The following PROSER1 variants were observed in gnomAD, a reference collection of about 807,000 sequenced individuals.
The protein encoded by PROSER1 is proline and serine rich 1.
Under a neutral mutation model 71.8 loss-of-function variants are expected in PROSER1, and 36 were observed. The ratio of observed to expected loss-of-function variants is 0.50; its 90% confidence interval spans 0.38 to 0.66. The LOEUF (loss-of-function observed/expected upper bound fraction) is 0.66. Among genes scored for constraint, PROSER1 ranks in the 30% least tolerant of loss-of-function variants. The pLI, the probability that PROSER1 is intolerant of heterozygous loss-of-function variation, is 0.00. For missense variants in PROSER1, 1,107 were observed against 1,135.0 expected (o/e 0.98, Z 0.35); for synonymous variants, 490 against 452.4 (o/e 1.08, Z -1.06).
chr13:39,035,590 C>CT (rs938579872), intron 1 of PROSER1, among the ~76,000 whole-genome samples: 14 of 152,188 alleles, frequency 9.2e-5, no homozygotes, highest in African/African-American at 3.4e-4. Context: ...TCATTCCCTC[C>CT]TTTTTGAATA....
At chr13:39,037,105 C>A in intron 1 of PROSER1, 93 bp downstream of exon 1, 1 of 971,144 alleles carries the variant, frequency 1.0e-6, no homozygotes, top group Admixed American at 1.8e-5. Flanking sequence ...TCCTAGGACC[C>A]TTATTCTGCA....
rs767063337 is a variant in PROSER1, at chr13:39,028,335, C to A, written c.276-15G>T. Reference sequence around the variant, plus strand: ...CAATAATGTTCCTACCAAGAAAACACAATTTAGCTTTTTGTTTAAAAATCT... The same window carrying A: ...CAATAATGTTCCTACCAAGAAAACAAAATTTAGCTTTTTGTTTAAAAATCT... On this transcript the variant is annotated splice_polypyrimidine_tract_variant and intron_variant, in intron 4 of 12. Transcript: ENST00000352251. 2 of 1,483,178 alleles carry A rather than the reference C, an allele frequency of 1.3e-6. No individual in the cohort carries two copies. The highest frequency in any genetic ancestry group is 3.4e-5 in the Admixed American group (2 of 59,016). 91.9% of individuals were successfully genotyped at this position (1,483,178 alleles called of 1,614,324 possible).
chr13:39,013,584 AG>A lies in PROSER1; in HGVS notation c.1667del (p.Pro556LeufsTer6), dbSNP rs1330114478. 2 of 1,614,036 alleles carry A rather than the reference AG, an allele frequency of 1.2e-6. No homozygotes were observed. The highest frequency in any genetic ancestry group is 1.7e-6 in the Non-Finnish European group (2 of 1,180,036). On this transcript the variant is annotated frameshift_variant, in exon 11 of 13. Transcript: ENST00000352251. LOFTEE classifies it high-confidence loss of function. The stretch of plus-strand genomic sequence containing the variant: ...CAGCAGTGGCTAAAGGAGACTGTAC[AG>A]GCAATGTCAGGGGAGTGGAAGTTGA... The part of the protein sequence containing the change: ...ANSTSTPLTL[P>X]VQSPLATAAS...
chr13:39,021,162 C>CT (rs1227056802), intron 9 of PROSER1, among the ~76,000 whole-genome samples: 3 of 152,192 alleles, frequency 2.0e-5, no homozygotes, highest in Non-Finnish European at 4.4e-5. Flanking sequence ...TGCCCTACCT[C>CT]TGACAGGCAC....
At chr13:39,027,454 G>C (rs1003430257) in intron 5 of PROSER1, among the ~76,000 whole-genome samples, 46 of 152,262 alleles carry the variant, frequency 3.0e-4, no homozygotes, top group African/African-American at 1.1e-3. Flanking sequence ...TTTCTGAGAA[G>C]GAAAGTGACA....
Position 39,014,633 on chromosome 13 carries a change from A to G in PROSER1, c.776-157T>C, listed in dbSNP as rs1367557790. ...TGTAATATCTAAATTGCTGGGTTCC[A>G]TTTCTCAGATCTTTACTCTGGAGCC... is the stretch of plus-strand genomic sequence containing the variant. On this transcript the variant is annotated intron_variant, in intron 10 of 12. Coordinates refer to ENST00000352251, the MANE Select transcript of PROSER1 (RefSeq NM_025138.5). Among the ~76,000 whole-genome samples the G allele has an allele frequency of 3.9e-5, 6 of 152,208 alleles. No individual in the cohort carries two copies. In the East Asian group the frequency reaches 7.7e-4, roughly 20 times the overall value.
rs1276049473 is a variant in PROSER1, at chr13:39,023,093, T to A, written c.602A>T (p.Tyr201Phe). The change falls in exon 8 of 13, where the codon TAT becomes TTT. Residue 201 changes from tyrosine to phenylalanine, a missense_variant. Physicochemically the swap from Tyr to Phe is conservative, Grantham distance 22 (BLOSUM62 3). Transcript: ENST00000352251. ...STYNPHKPVPYPIPPCRPHAT... is the reference protein window; with the variant it reads ...STYNPHKPVPFPIPPCRPHAT... ...ATGTGGTCGGCATGGAGGTATCGGA[T>A]AAGGAACAGGTTTATGTGGATTATA... The A allele has an allele frequency of 1.5e-5, 25 of 1,613,202 alleles. No individual in the cohort carries two copies. The highest frequency in any genetic ancestry group is 2.1e-5 in the Non-Finnish European group (25 of 1,179,416).
chr13:39,011,934 G>T, intron 12 of PROSER1, 149 bp downstream of exon 12: 1 of 818,848 alleles, frequency 1.2e-6, no homozygotes, highest in Non-Finnish European at 1.9e-6. Flanking sequence ...CAAATTTGGA[G>T]AGAAGTAATC....
Position 39,027,553 on chromosome 13 carries a change from T to C in PROSER1, c.369+674A>G, listed in dbSNP as rs546859671. On this transcript the variant is annotated intron_variant, in intron 5 of 12. Coordinates refer to ENST00000352251, the MANE Select transcript of PROSER1 (RefSeq NM_025138.5). The stretch of plus-strand genomic sequence containing the variant: ...TAGTCAAGAAAACTGGTAAGGAAGT[T>C]ACTGAAGTAAATAAACATGGCTCAG... Among the ~76,000 whole-genome samples the C allele has an allele frequency of 7.9e-5, 12 of 152,294 alleles. No homozygotes were observed. In the South Asian group the frequency reaches 2.5e-3, roughly 32 times the overall value.
rs1416003344 is a variant in PROSER1 at position 39,013,083 on chromosome 13, C to T, written c.2169G>A (p.Gly723=). ...CGGTAGATGAGGTGGCTATTAATGA[C>T]CCTGGGAGAGATACTGACGGATTAA... is the stretch of plus-strand genomic sequence containing the variant. The part of the protein sequence containing the change: ...PSLNPSVSLP[G]SLIATSSTAA... Residue 723 remains glycine (G), a synonymous_variant, in exon 11 of 13, where the codon GGG becomes GGA. Coordinates refer to ENST00000352251, the MANE Select transcript of PROSER1 (RefSeq NM_025138.5). 1.2e-6 allele frequency: 2 copies of T among 1,613,928 alleles called. No individual in the cohort carries two copies. The highest frequency in any genetic ancestry group is 4.5e-5 in the East Asian group (2 of 44,868).
At chr13:39,032,827 A>G (rs917342645) in intron 2 of PROSER1, among the ~76,000 whole-genome samples, 17 of 152,248 alleles carry the variant, frequency 1.1e-4, no homozygotes, top group Non-Finnish European at 1.9e-4. Context: ...TGACTTTAGC[A>G]AAGTGGAAGC....
chr13:39,013,945 A>G lies in PROSER1; in HGVS notation c.1307T>C (p.Leu436Ser). 3 of 1,614,188 alleles carry G rather than the reference A, an allele frequency of 1.9e-6. No homozygotes were observed. The highest frequency in any genetic ancestry group is 1.7e-4 in the Middle Eastern group (1 of 6,060). ...GGATAGGCCTTGGGATGTTGGTGGT[A>G]AGGGCAAAGGGAGCCCTGCAAAAAC... Reference protein sequence around the residue: ...SSVFAGLPLPLPPTSQGLSNP... With the variant: ...SSVFAGLPLPSPPTSQGLSNP... Residue 436 changes from leucine (L) to serine (S), a missense_variant, in exon 11 of 13, where the codon TTA becomes TCA. By Grantham distance (145) the Leu-to-Ser change is moderately radical. Coordinates refer to ENST00000352251, the MANE Select transcript of PROSER1 (RefSeq NM_025138.5).
At chr13:39,033,527 T>A (rs1243199929) in intron 2 of PROSER1, among the ~76,000 whole-genome samples, 1 of 152,218 alleles carries the variant, frequency 6.6e-6, no homozygotes, top group African/African-American at 2.4e-5. Context: ...GACTTCTCTA[T>A]CAAGAATTTT....
At position 39,022,403 on chromosome 13, in the gene PROSER1, T is replaced by G. The variant is rs774295397; in HGVS notation, c.653A>C (p.Asn218Thr). Reference protein sequence around the residue: ...PHATIAPSAYNNAGLVPLANV... With the variant: ...PHATIAPSAYTNAGLVPLANV... ...CGCTAATGGTACCAGACCTGCATTG[T>G]TATAAGCACCTAAAATAAAAACACA... Residue 218 changes from asparagine (N) to threonine (T), a missense_variant, in exon 9 of 13, where the codon AAC (asparagine) becomes ACC (threonine). Physicochemically the swap from Asn to Thr is moderately conservative, Grantham distance 65. Coordinates refer to ENST00000352251, the MANE Select transcript of PROSER1 (RefSeq NM_025138.5). The G allele has an allele frequency of 6.2e-7, 1 of 1,611,274 alleles. No homozygotes were observed. Among genetic ancestry groups the G allele is most frequent in the Non-Finnish European group, 8.5e-7 (1 of 1,177,442 alleles).
intron 5 of PROSER1, 119 bp from the exon 6 acceptor site, chr13:39,026,506 C>A: frequency 1.7e-6 from 1 of 582,112 alleles, no homozygotes; most frequent in South Asian, 2.4e-5. Flanking sequence ...TCAATCTGCT[C>A]ATACATAATT....
intron 6 of PROSER1, among the ~76,000 whole-genome samples, 182 bp downstream of exon 6, chr13:39,026,095 A>ATAG (rs1257083596): frequency 1.3e-5 from 2 of 152,210 alleles, no homozygotes; most frequent in East Asian, 3.8e-4. Context: ...GTCTTGTTCT[A>ATAG]TAGATTTTAT....
At position 39,034,213 on chromosome 13, in the gene PROSER1, C is replaced by G; in HGVS notation, c.46-17G>C. 1 of 1,536,626 alleles carries G rather than the reference C, an allele frequency of 6.5e-7. No individual in the cohort carries two copies. The highest frequency in any genetic ancestry group is 8.8e-7 in the Non-Finnish European group (1 of 1,134,080). On this transcript the variant is annotated splice_polypyrimidine_tract_variant and intron_variant, in intron 1 of 12. Coordinates refer to ENST00000352251, the MANE Select transcript of PROSER1 (RefSeq NM_025138.5). ...CAAAACAGCCTAAAAAAAAAAAACA[C>G]ACACACACAGAGTAAAACAGCATTA...
chr13:39,034,079 C>A, intron 2 of PROSER1, 52 bp downstream of exon 2: 1 of 1,318,612 alleles, frequency 7.6e-7, no homozygotes, highest in South Asian at 1.5e-5. Context: ...AGACATTAAC[C>A]AGAACATTGG....
chr13:39,033,275 C>G (rs1269215097), intron 2 of PROSER1, among the ~76,000 whole-genome samples: 1 of 152,192 alleles, frequency 6.6e-6, no homozygotes, highest in East Asian at 1.9e-4. Flanking sequence ...AATGGGAAAG[C>G]TGAAAAACTG....
Sources: gnomAD v4.1 joint callset for allele counts (sites outside exome capture counted in the v4.1 genomes callset) on GRCh38, gnomAD v4.1.1 for gene constraint, MANE v1.5 for transcripts, NCBI Gene and HGNC (gene_info 2026-07-23, HGNC 2026-07-21) for gene names.